The following POLDIP2 variants were observed in gnomAD, a reference collection of about 807,000 sequenced individuals.
POLDIP2 encodes polymerase delta-interacting protein 2.
In POLDIP2, 32 loss-of-function variants were observed where a neutral mutation model predicts 52.9. The ratio of observed to expected loss-of-function variants is 0.61; its 90% CI spans 0.46 to 0.81. POLDIP2 has a LOEUF of 0.81. Among genes scored for constraint, POLDIP2 ranks in the 40% least tolerant of loss-of-function variants. The pLI is 0.00. For missense variants in POLDIP2, 371 were observed against 477.3 expected (o/e 0.78, Z 2.07); for synonymous variants, 183 against 183.0 (o/e 1.00, Z 0.00).
At position 28,349,138 on chromosome 17, in the gene POLDIP2, G is replaced by C. The variant is rs1555579452; in HGVS notation, c.937C>G (p.Pro313Ala). The C allele has an allele frequency of 6.2e-7, 1 of 1,613,236 alleles. No individual in the cohort carries two copies. Among genetic ancestry groups the C allele is most frequent in the South Asian group, 1.1e-5 (1 of 90,876 alleles). Residue 313 changes from proline to alanine, a missense_variant, in exon 10 of 11, where the codon CCT becomes GCT. Coordinates refer to ENST00000540200, the MANE Select transcript of POLDIP2 (RefSeq NM_015584.5). Reference sequence around the variant, plus strand: ...ACGTGGCTGCTATACTGGAACGCAGGCTGCTCCTTGGATAACACTGGTTCC... The same window carrying C: ...ACGTGGCTGCTATACTGGAACGCAGCCTGCTCCTTGGATAACACTGGTTCC... ...GREPVLSKEQPAFQYSSHVSL... is the reference protein window; with the variant it reads ...GREPVLSKEQAAFQYSSHVSL...
chr17:28,351,097 CT>C (rs1334901128), intron 7 of POLDIP2, among the ~76,000 whole-genome samples: 2 of 152,176 alleles, frequency 1.3e-5, no homozygotes, highest in Non-Finnish European at 1.5e-5. Flanking sequence ...GCCCTGCCCC[CT>C]ATCCTTGCTG....
chr17:28,353,023 GCA>G lies in POLDIP2; in HGVS notation c.515-6_515-5del. The stretch of plus-strand genomic sequence containing the variant: ...TCATGGCTGACATAGTCCAAGCCTG[GCA>G]CAGAGATGCAAAAGACAGTGGTGAA... On this transcript the variant is annotated splice_region_variant and splice_polypyrimidine_tract_variant and intron_variant, in intron 5 of 10. Transcript: ENST00000540200. 3.2e-6 allele frequency: 3 copies of G among 934,290 alleles called. No individual in the cohort carries two copies. The highest frequency in any genetic ancestry group is 5.4e-6 in the Non-Finnish European group (3 of 559,356). The allele number at this position is 934,290 out of a possible 1,614,324, so 57.9% of individuals were successfully genotyped here.
At chr17:28,351,542 T>C (rs1907795424) in intron 7 of POLDIP2, 122 bp downstream of exon 7, 3 of 948,512 alleles carry the variant, frequency 3.2e-6, no homozygotes, top group Non-Finnish European at 3.2e-6. Flanking sequence ...ATGCCACCAC[T>C]TGGAAGCAGA....
Position 28,351,653 on chromosome 17 carries a change from T to C in POLDIP2, c.759+11A>G, listed in dbSNP as rs1257680523. On this transcript the variant is annotated intron_variant, in intron 7 of 10. Transcript: ENST00000540200. ...TACCCCTGCTAGAAGGGGTCCAGGC[T>C]GGCCACATACCCTCATGCCCATGTA... 3.7e-6 allele frequency: 6 copies of C among 1,613,370 alleles called. No individual in the cohort carries two copies.
At chr17:28,352,237 C>CTGTTTTTTTTTTTT (rs1907823207) in intron 6 of POLDIP2, among the ~76,000 whole-genome samples, 1 of 87,682 alleles carries the variant, frequency 1.1e-5, no homozygotes, top group East Asian at 5.1e-4. Flanking sequence ...GGAATTATTT[C>CTGTTTTTTTTTTTT]TTTTTTTTTT....
At chr17:28,354,616 G>A in intron 2 of POLDIP2, 31 bp from the exon 3 acceptor site, 1 of 1,434,004 alleles carries the variant, frequency 7.0e-7, no homozygotes, top group South Asian at 1.2e-5. Flanking sequence ...CAGTGAGTCT[G>A]CAGTCCAGCA....
intron 10 of POLDIP2, 121 bp from the exon 11 acceptor site, chr17:28,348,352 C>G (rs2142392226): frequency 6.2e-6 from 4 of 642,922 alleles, no homozygotes; most frequent in South Asian, 5.6e-5. Context: ...TCTCTTCTAT[C>G]TCTAGCTCAT....
chr17:28,347,988 AAG>A lies in POLDIP2; in HGVS notation c.*127_*128del, dbSNP rs1263292029. The A allele has an allele frequency of 3.8e-5, 24 of 634,598 alleles. No individual in the cohort carries two copies. In the African/African-American group the frequency reaches 4.4e-4, roughly 12 times the overall value. 39.3% of individuals were successfully genotyped at this position (634,598 alleles called of 1,614,324 possible). ...AAGTTATACCACCCCTCCCCACAAA[AAG>A]AACCCCACAATCAAATTAAGAGACC... is the stretch of plus-strand genomic sequence containing the variant. On this transcript the variant is annotated 3_prime_UTR_variant, in exon 11 of 11. Transcript: ENST00000540200.
intron 1 of POLDIP2, 116 bp from the exon 2 acceptor site, chr17:28,355,992 T>C: frequency 1.3e-6 from 1 of 750,584 alleles, no homozygotes; most frequent in Admixed American, 2.2e-5. Flanking sequence ...AGAGAAGGGT[T>C]TGGGGTAGTG....
At chr17:28,354,027 AAAG>A (rs1190135705) in intron 3 of POLDIP2, among the ~76,000 whole-genome samples, 5 of 152,138 alleles carry the variant, frequency 3.3e-5, no homozygotes, top group Non-Finnish European at 5.9e-5. Flanking sequence ...ATACCTCTTA[AAAG>A]AAGGGGGCCA....
At chr17:28,350,042 C>T (rs1410415594) in intron 9 of POLDIP2, among the ~76,000 whole-genome samples, 1 of 152,106 alleles carries the variant, frequency 6.6e-6, no homozygotes, top group East Asian at 1.9e-4. Context: ...AGGATGTAAA[C>T]ATGTAAAGGG....
At chr17:28,348,420 AAC>A (rs565797175) in intron 10 of POLDIP2, among the ~76,000 whole-genome samples, 189 bp from the exon 11 acceptor site, 5 of 152,150 alleles carry the variant, frequency 3.3e-5, no homozygotes, top group Non-Finnish European at 5.9e-5. Context: ...TGAAAAGAAA[AAC>A]ACAGCTGCAG....
Position 28,357,468 on chromosome 17 carries a change from C to G in POLDIP2, c.-20G>C, listed in dbSNP as rs1284227885. On this transcript the variant is annotated 5_prime_UTR_variant, in exon 1 of 11. Transcript: ENST00000540200. Reference sequence around the variant, plus strand: ...TGCCATGTCCCGCCCGAGCGCCCGCCCGGCTGCTGACACAGAGCCCGACCC... The same window carrying G: ...TGCCATGTCCCGCCCGAGCGCCCGCGCGGCTGCTGACACAGAGCCCGACCC... 3.5e-6 allele frequency: 5 copies of G among 1,427,764 alleles called. No individual in the cohort carries two copies. In the African/African-American group the frequency reaches 7.5e-5, roughly 22 times the overall value. 88.4% of individuals were successfully genotyped at this position (1,427,764 alleles called of 1,614,324 possible).
At chr17:28,352,695 C>T (rs1266156253) in intron 6 of POLDIP2, among the ~76,000 whole-genome samples, 3 of 152,070 alleles carry the variant, frequency 2.0e-5, no homozygotes, top group Non-Finnish European at 2.9e-5. Context: ...CCCACCACCA[C>T]GCCCAGCTAA....
At position 28,349,134 on chromosome 17, in the gene POLDIP2, G is replaced by A. The variant is rs781798554; in HGVS notation, c.941C>T (p.Ala314Val). The A allele has an allele frequency of 1.2e-5, 20 of 1,613,090 alleles. No individual in the cohort carries two copies. The highest frequency in any genetic ancestry group is 5.9e-6 in the Non-Finnish European group (7 of 1,179,542). ...CGAGACGTGGCTGCTATACTGGAAC[G>A]CAGGCTGCTCCTTGGATAACACTGG... Reference protein sequence around the residue: ...REPVLSKEQPAFQYSSHVSLQ... With the variant: ...REPVLSKEQPVFQYSSHVSLQ... The change falls in exon 10 of 11, where the codon GCG (alanine) becomes GTG (valine). Residue 314 changes from alanine to valine, a missense_variant. Ala to Val is a moderately conservative substitution (Grantham distance 64, BLOSUM62 0). Coordinates refer to ENST00000540200, the MANE Select transcript of POLDIP2 (RefSeq NM_015584.5).
intron 7 of POLDIP2, among the ~76,000 whole-genome samples, chr17:28,351,341 T>C (rs1555579913): frequency 1.3e-5 from 2 of 152,224 alleles, no homozygotes; most frequent in African/African-American, 4.8e-5. Context: ...TAAGTGTCTA[T>C]AATGTGTAAA....
Position 28,357,524 on chromosome 17 carries a change from C to A in POLDIP2, c.-76G>T. On this transcript the variant is annotated 5_prime_UTR_variant, in exon 1 of 11. Coordinates refer to ENST00000540200, the MANE Select transcript of POLDIP2 (RefSeq NM_015584.5). ...CGGGCGGCGTTCCGCCCCAGTCCCA[C>A]ACTGCCCCGCGCGGCGTCCCGGCCC... is the stretch of plus-strand genomic sequence containing the variant. 6.8e-7 allele frequency: 1 copy of A among 1,477,024 alleles called. No homozygotes were observed. Among genetic ancestry groups the A allele is most frequent in the Non-Finnish European group, 9.0e-7 (1 of 1,117,130 alleles). The allele number at this position is 1,477,024 out of a possible 1,614,324, so 91.5% of individuals were successfully genotyped here.
At chr17:28,350,108 T>C (rs1297440279) in intron 9 of POLDIP2, among the ~76,000 whole-genome samples, 1 of 152,124 alleles carries the variant, frequency 6.6e-6, no homozygotes, top group Non-Finnish European at 1.5e-5. Flanking sequence ...CTAACGACAT[T>C]CAAATTTTAG....
intron 10 of POLDIP2, among the ~76,000 whole-genome samples, 155 bp downstream of exon 10, chr17:28,348,928 C>G (rs192502329): frequency 2.7e-4 from 41 of 152,322 alleles, no homozygotes; most frequent in South Asian, 1.9e-3. Flanking sequence ...AATAGAAAAT[C>G]AGACAAGTCC....
Sources: gnomAD v4.1 joint callset for allele counts (sites outside exome capture counted in the v4.1 genomes callset) on GRCh38, gnomAD v4.1.1 for gene constraint, MANE v1.5 for transcripts, NCBI Gene and HGNC (gene_info 2026-07-23, HGNC 2026-07-21) for gene names.